Variants in PCDHGB7 observed in about 807,000 individuals in gnomAD.
PCDHGB7 encodes the protein protocadherin gamma-B7.
Under a neutral mutation model 61.4 loss-of-function variants are expected in PCDHGB7, and 37 were observed. The observed-to-expected ratio is 0.60, with a 90% CI of 0.46 to 0.79. The LOEUF (loss-of-function observed/expected upper bound fraction) is 0.79, where lower values mean the gene tolerates loss of function less well. PCDHGB7 is among the 30% of genes least tolerant of loss of function. PCDHGB7 has a pLI of 0.00. For synonymous variants in PCDHGB7, 464 were observed against 503.5 expected (o/e 0.92, Z 1.05); for missense variants, 1,166 against 1,202.5 (o/e 0.97, Z 0.45).
At chr5:141,456,204 C>A (rs867187371) in intron 1 of PCDHGB7, among the ~76,000 whole-genome samples, 17 of 152,222 alleles carry the variant, frequency 1.1e-4, no homozygotes, top group South Asian at 2.1e-4. Context: ...CTACCACATT[C>A]CTCCCTGTGG....
At chr5:141,492,197 TA>T (rs2099738125) in intron 1 of PCDHGB7, among the ~76,000 whole-genome samples, 1 of 152,200 alleles carries the variant, frequency 6.6e-6, no homozygotes, top group African/African-American at 2.4e-5. Flanking sequence ...CTGCGGGACT[TA>T]GGTGTGCGCG....
intron 1 of PCDHGB7, chr5:141,478,346 G>A: frequency 6.2e-7 from 1 of 1,613,794 alleles, no homozygotes; most frequent in African/African-American, 1.3e-5. Context: ...CTCCTTGCAC[G>A]CGGACGCCGT....
At chr5:141,422,296 A>T (rs200545713) in intron 1 of PCDHGB7, 6 of 1,550,706 alleles carry the variant, frequency 3.9e-6, no homozygotes, top group Non-Finnish European at 4.3e-6. Context: ...TATTAATTCA[A>T]TTCTGGAAAA....
intron 1 of PCDHGB7, among the ~76,000 whole-genome samples, chr5:141,481,241 A>C (rs557107835): frequency 2.0e-5 from 3 of 152,350 alleles, no homozygotes; most frequent in South Asian, 2.1e-4. Flanking sequence ...AGTATTACAT[A>C]GCATAGCTCT....
chr5:141,431,879 C>T lies in PCDHGB7; in HGVS notation c.2415+11605C>T. 1 of 1,614,162 alleles carries T rather than the reference C, an allele frequency of 6.2e-7. No individual in the cohort carries two copies. The highest frequency in any genetic ancestry group is 8.5e-7 in the Non-Finnish European group (1 of 1,179,970). ...AATTGCCCTTTTAAATGTAAATGAC[C>T]AAGATTCTGAGGAAAACGGACAGGT... On this transcript the variant is annotated intron_variant, in intron 1 of 3. Coordinates refer to ENST00000398594, the MANE Select transcript of PCDHGB7 (RefSeq NM_018927.4). The surrounding 1 kb of genome is among the most constrained non-coding windows in gnomAD (Gnocchi z 4.8).
At chr5:141,507,429 G>C (rs1191174823) in intron 3 of PCDHGB7, 3 of 152,238 alleles carry the variant, frequency 2.0e-5, no homozygotes, top group African/African-American at 7.2e-5. Flanking sequence ...AGTGGGGCCA[G>C]GCCTACAGCT....
intron 1 of PCDHGB7, among the ~76,000 whole-genome samples, chr5:141,454,980 T>A (rs1049733405): frequency 9.3e-5 from 14 of 151,310 alleles, no homozygotes; most frequent in African/African-American, 2.4e-4. Context: ...GCTAATTTTT[T>A]AAAAAATATT....
rs1187459113 is a variant in PCDHGB7 at position 141,487,187 on chromosome 5, G to A, written c.2416-7620G>A. On this transcript the variant is annotated intron_variant, in intron 1 of 3. Coordinates refer to ENST00000398594, the MANE Select transcript of PCDHGB7 (RefSeq NM_018927.4). This position sits in a 1 kb window ranked among gnomAD's most constrained non-coding sequence, Gnocchi z 5.0. The stretch of plus-strand genomic sequence containing the variant: ...GTCCTTAGAGGAAGACACTCATCCA[G>A]TTGTCCCAGATCTTCGAGAATCTTC... 1.2e-6 allele frequency: 2 copies of A among 1,613,826 alleles called. No homozygotes were observed. Among genetic ancestry groups the A allele is most frequent in the Admixed American group, 3.3e-5 (2 of 60,024 alleles).
chr5:141,435,897 A>G (rs1206255678), intron 1 of PCDHGB7, among the ~76,000 whole-genome samples: 2 of 152,166 alleles, frequency 1.3e-5, no homozygotes, highest in East Asian at 1.9e-4. Context: ...TAGAGAATGA[A>G]AGACATCCAA....
Position 141,486,239 on chromosome 5 carries a change from C to G in PCDHGB7, c.2416-8568C>G, listed in dbSNP as rs751510109. On this transcript the variant is annotated intron_variant, in intron 1 of 3. Transcript: ENST00000398594. The surrounding 1 kb of genome is among the most constrained non-coding windows in gnomAD (Gnocchi z 5.0). ...CCCTTACATCACAGTGACCTCAGAG[C>G]TTGGAACCCTCCCCGAGAGTGCAGA... 6.2e-7 allele frequency: 1 copy of G among 1,614,160 alleles called. No individual in the cohort carries two copies. Among genetic ancestry groups the G allele is most frequent in the Admixed American group, 1.7e-5 (1 of 60,020 alleles).
In PCDHGB7 at chr5:141,490,091, A is replaced by T; in HGVS notation, c.2416-4716A>T. 6.2e-7 allele frequency: 1 copy of T among 1,614,240 alleles called. No homozygotes were observed. Among genetic ancestry groups the T allele is most frequent in the East Asian group, 2.2e-5 (1 of 44,888 alleles). ...CAACTAGACTATTCTTTTGGAGACC[A>T]CACATCTGAGGCAGTGCGGAACCTC... On this transcript the variant is annotated intron_variant, in intron 1 of 3. Coordinates refer to ENST00000398594, the MANE Select transcript of PCDHGB7 (RefSeq NM_018927.4). The surrounding 1 kb of genome is among the most constrained non-coding windows in gnomAD (Gnocchi z 5.4).
Position 141,431,674 on chromosome 5 carries a change from G to T in PCDHGB7, c.2415+11400G>T. 6.2e-7 allele frequency: 1 copy of T among 1,614,234 alleles called. No homozygotes were observed. ...ATTCAGGGACAATATCAACAATAGG[G>T]GAGTTGGACCACGAGGAGTCAGGAT... is the stretch of plus-strand genomic sequence containing the variant. On this transcript the variant is annotated intron_variant, in intron 1 of 3. Transcript: ENST00000398594. This position sits in a 1 kb window ranked among gnomAD's most constrained non-coding sequence, Gnocchi z 4.8.
At chr5:141,427,617 G>A (rs1295636754) in intron 1 of PCDHGB7, 3 of 694,694 alleles carry the variant, frequency 4.3e-6, no homozygotes, top group Admixed American at 2.0e-5. Flanking sequence ...TGAAGTCAAC[G>A]ACAATGCTCC....
chr5:141,471,564 T>C (rs1352708320), intron 1 of PCDHGB7: 1 of 152,184 alleles, frequency 6.6e-6, no homozygotes, highest in African/African-American at 2.4e-5. Context: ...GACTCAGGGG[T>C]AGCAGTAGAT....
chr5:141,475,080 C>T (rs963278755), intron 1 of PCDHGB7, among the ~76,000 whole-genome samples: 3 of 152,128 alleles, frequency 2.0e-5, no homozygotes, highest in South Asian at 4.1e-4. Flanking sequence ...GCCATTATTT[C>T]AATAATTTTA....
At position 141,477,004 on chromosome 5, in the gene PCDHGB7, C is replaced by T. The variant is rs1390668803; in HGVS notation, c.2416-17803C>T. On this transcript the variant is annotated intron_variant, in intron 1 of 3. Coordinates refer to ENST00000398594, the MANE Select transcript of PCDHGB7 (RefSeq NM_018927.4). The surrounding 1 kb of genome is among the most constrained non-coding windows in gnomAD (Gnocchi z 4.9). ...GCGCCGGCGTGCGGCAACTATTCGC[C>T]TTAGACCTTGTAACCGGGATGCTGA... is the stretch of plus-strand genomic sequence containing the variant. 3 of 1,614,236 alleles carry T rather than the reference C, an allele frequency of 1.9e-6. No homozygotes were observed. The highest frequency in any genetic ancestry group is 2.5e-6 in the Non-Finnish European group (3 of 1,180,042).
intron 1 of PCDHGB7, among the ~76,000 whole-genome samples, chr5:141,481,913 CAAAAA>C (rs34114744): frequency 1.1e-5 from 1 of 90,852 alleles, no homozygotes; most frequent in Non-Finnish European, 2.2e-5. Flanking sequence ...AACTCCATCT[CAAAAA>C]AAAAAAAAAA....
At chr5:141,447,549 A>T (rs1387130901) in intron 1 of PCDHGB7, among the ~76,000 whole-genome samples, 1 of 152,216 alleles carries the variant, frequency 6.6e-6, no homozygotes, top group Non-Finnish European at 1.5e-5. Context: ...TAATGTTATG[A>T]GTACACTTGG....
At chr5:141,460,459 T>A (rs2098989808) in intron 1 of PCDHGB7, among the ~76,000 whole-genome samples, 1 of 152,176 alleles carries the variant, frequency 6.6e-6, no homozygotes, top group South Asian at 2.1e-4. Flanking sequence ...ATTCATATTT[T>A]TTTCCAAAGG....
Sources: allele counts gnomAD v4.1 joint callset (sites outside exome capture counted in the v4.1 genomes callset), GRCh38; gene constraint gnomAD v4.1.1; non-coding constraint Gnocchi (gnomAD v3.1); transcripts MANE v1.5; gene names NCBI Gene and HGNC (gene_info 2026-07-23, HGNC 2026-07-21).